Variants in ALAS2 observed in about 807,000 individuals in gnomAD.
ALAS2 encodes 5'-aminolevulinate synthase 2.
ALAS2 carries 3 observed loss-of-function variants against 33.7 expected under a neutral mutation model. The observed-to-expected ratio is 0.09, with a 90% CI of 0.04 to 0.23. ALAS2 has a LOEUF of 0.23. ALAS2 is among the 10% of genes least tolerant of loss of function. The pLI, the probability that ALAS2 is intolerant of heterozygous loss-of-function variation, is 1.00. For synonymous variants in ALAS2, 191 were observed against 177.3 expected (o/e 1.08, Z -0.61); for missense variants, 304 against 475.1 (o/e 0.64, Z 3.35).
chrX:55,015,959 C>CTGTGTGTGTGTGTGTGTGTGTGTGTG (rs56109492), intron 7 of ALAS2, among the ~76,000 whole-genome samples: 1 of 80,163 alleles, frequency 1.2e-5, no homozygotes, highest in Non-Finnish European at 2.4e-5. Context: ...CTCTGTCTCT[C>CTGTGTGTGTGTGTGTGTGTGTGTGTG]TGTGTGTGTG....
rs192382218 is a variant in ALAS2, at chrX:55,030,742, G to A, written c.-16+200C>T. ...AACTAACAAAAGAAAGTAACGAAGGGAAAAAGAGAGAAAAAAGCTGAAAAT... is the reference window on the plus strand; with the variant it reads ...AACTAACAAAAGAAAGTAACGAAGGAAAAAAGAGAGAAAAAAGCTGAAAAT... On this transcript the variant is annotated intron_variant, in intron 1 of 10. Transcript: ENST00000650242. Among the ~76,000 whole-genome samples the A allele has an allele frequency of 9.6e-3, 1,068 of 111,227 alleles. 13 individuals are homozygous for A. The highest frequency in any genetic ancestry group is 0.032 in the African/African-American group (986 of 30,583).
At position 55,014,860 on chromosome X, in the gene ALAS2, C is replaced by T. The variant is rs1163781331; in HGVS notation, c.1324G>A (p.Glu442Lys). Residue 442 changes from glutamate (E) to lysine (K), a missense_variant, in exon 9 of 11, where the codon GAG (glutamate) becomes AAG (lysine). This residue lies in a region of ALAS2 where 95 missense variants were observed against 127.0 expected (regional missense o/e 0.75). Transcript: ENST00000650242. ...LESVRLLKGE[E>K]GQALRRAHQR... The stretch of plus-strand genomic sequence containing the variant: ...TGGGCTCGCCTCAGGGCTTGGCCCT[C>T]CTCTCCCTTGAGCAGCCGCACAGAT... 3 of 1,206,952 alleles carry T rather than the reference C, an allele frequency of 2.5e-6. No homozygotes were observed. Among genetic ancestry groups the T allele is most frequent in the Admixed American group, 2.2e-5 (1 of 45,544 alleles).
intron 7 of ALAS2, 101 bp from the exon 8 acceptor site, chrX:55,015,843 G>T: frequency 1.0e-6 from 1 of 968,371 alleles, no homozygotes; most frequent in Non-Finnish European, 1.5e-6. Context: ...GTTGGAAAAG[G>T]GTGTTGTAGA....
chrX:55,025,367 C>T (rs1290581123), intron 2 of ALAS2, among the ~76,000 whole-genome samples: 1 of 111,504 alleles, frequency 9.0e-6, no homozygotes, highest in Non-Finnish European at 1.9e-5. Context: ...CAGATTCTCG[C>T]TCTGTTGCCC....
chrX:55,028,668 C>T (rs765908327), intron 1 of ALAS2, among the ~76,000 whole-genome samples: 5 of 111,621 alleles, frequency 4.5e-5, no homozygotes, highest in Non-Finnish European at 9.4e-5. Context: ...TCTCATTTCT[C>T]TTGTTCTGTT....
chrX:55,026,010 A>T lies in ALAS2; in HGVS notation c.-10T>A, dbSNP rs1180639700. 8.3e-7 allele frequency: 1 copy of T among 1,208,731 alleles called. No individual in the cohort carries two copies. The highest frequency in any genetic ancestry group is 2.2e-5 in the Admixed American group (1 of 45,922). On this transcript the variant is annotated 5_prime_UTR_variant, in exon 2 of 11. Coordinates refer to ENST00000650242, the MANE Select transcript of ALAS2 (RefSeq NM_000032.5). ...TGGCTGCAGTCACCATCTTGAACCT[A>T]AAGTCCTGCAGAAGACATGGAAGAG...
chrX:55,024,519 C>T (rs994889598), intron 3 of ALAS2, among the ~76,000 whole-genome samples, 199 bp downstream of exon 3: 10 of 111,716 alleles, frequency 9.0e-5, no homozygotes, highest in African/African-American at 3.3e-4. Context: ...TTCAGGAGCC[C>T]GTACATATGT....
In ALAS2 at chrX:55,024,887, G is replaced by A. The variant is rs201506750; in HGVS notation, c.182-47C>T. 1.7e-5 allele frequency: 21 copies of A among 1,200,525 alleles called. No homozygotes were observed. In the African/African-American group the frequency reaches 3.2e-4, roughly 18 times the overall value. ...ATTTGGGGTGCATTTCTAGTCATAA[G>A]TTCAGCTCAACAATAATTGCTGAGA... On this transcript the variant is annotated intron_variant, in intron 2 of 10. Transcript: ENST00000650242.
chrX:55,025,584 G>A (rs1407043152), intron 2 of ALAS2, among the ~76,000 whole-genome samples: 1 of 111,075 alleles, frequency 9.0e-6, no homozygotes, highest in Non-Finnish European at 1.9e-5. Flanking sequence ...CACTCGCCTC[G>A]GCCTCCCAAA....
chrX:55,022,093 T>C (rs763781340), intron 4 of ALAS2, among the ~76,000 whole-genome samples: 1 of 111,734 alleles, frequency 8.9e-6, no homozygotes, highest in East Asian at 2.8e-4. Context: ...CCATTACCAC[T>C]ACAAAATGGG....
chrX:55,018,806 T>TA (rs749419190), intron 6 of ALAS2, among the ~76,000 whole-genome samples: 1 of 110,858 alleles, frequency 9.0e-6, no homozygotes, highest in Non-Finnish European at 1.9e-5. Context: ...AGTTTTGCAT[T>TA]AAAAAAAATT....
intron 9 of ALAS2, among the ~76,000 whole-genome samples, chrX:55,013,865 C>T (rs1277480871): frequency 9.0e-6 from 1 of 110,530 alleles, no homozygotes; most frequent in Non-Finnish European, 1.9e-5. Flanking sequence ...AGAGGTGGTA[C>T]CAGGAGCCCT....
intron 1 of ALAS2, 80 bp from the exon 2 acceptor site, chrX:55,026,095 TC>T: frequency 1.0e-6 from 1 of 975,182 alleles, no homozygotes; most frequent in Non-Finnish European, 1.4e-6. Flanking sequence ...GTCTTCAGCT[TC>T]CCACCCAAAA....
chrX:55,024,714 C>CA lies in ALAS2; in HGVS notation c.304+3dup. 8.3e-7 allele frequency: 1 copy of CA among 1,211,494 alleles called. No homozygotes were observed. The highest frequency in any genetic ancestry group is 3.0e-5 in the East Asian group (1 of 33,822). Reference sequence around the variant, plus strand: ...GGTTGCATAAGGTGGAACTTGACTCCAACCTGTCTTGAAAGCCTTCACATC... The same window carrying CA: ...GGTTGCATAAGGTGGAACTTGACTCCAAACCTGTCTTGAAAGCCTTCACATC... On this transcript the variant is annotated splice_donor_region_variant and intron_variant, in intron 3 of 10. Transcript: ENST00000650242.
chrX:55,013,492 A>C lies in ALAS2; in HGVS notation c.1594T>G (p.Phe532Val). The C allele has an allele frequency of 8.3e-7, 1 of 1,208,611 alleles. No homozygotes were observed. The highest frequency in any genetic ancestry group is 1.1e-6 in the Non-Finnish European group (1 of 893,382). ...ACCCATGTTGAGAACTTACCCACAA[A>C]ATCTTCCATCATCTGAGGGCTGTGG... ...PHHSPQMMED[F>V]VEKLLLAWTA... Residue 532 changes from phenylalanine to valine, a missense_variant, in exon 10 of 11, where the codon TTT becomes GTT. Around this residue, in one of 3 missense-constraint regions of ALAS2, gnomAD observed 95 missense variants for 127.0 expected, o/e 0.75. Transcript: ENST00000650242.
intron 6 of ALAS2, among the ~76,000 whole-genome samples, chrX:55,018,942 G>T (rs1016810536): frequency 9.0e-6 from 1 of 111,256 alleles, no homozygotes; most frequent in African/African-American, 3.3e-5. Context: ...GGAGGGGATG[G>T]ACTAAAAACA....
rs747543670 is a variant in ALAS2, at chrX:55,023,191, GGT to G, written c.415+564_415+565del. The stretch of plus-strand genomic sequence containing the variant: ...CATGGGTGTGGTGAAGAGAGCAGAG[GGT>G]GTGTGTGTGTGTGTGTGTGTGTGTG... On this transcript the variant is annotated intron_variant, in intron 4 of 10. Transcript: ENST00000650242. Among the ~76,000 whole-genome samples, 827 of 97,997 alleles carry G rather than the reference GGT, an allele frequency of 8.4e-3. 8 individuals carry two copies. Among genetic ancestry groups the G allele is most frequent in the African/African-American group, 0.02 (553 of 27,115 alleles). 85.1% of individuals were successfully genotyped at this position (97,997 alleles called of 115,157 possible).
At position 55,020,234 on chromosome X, in the gene ALAS2, T is replaced by A. The variant is rs1351569281; in HGVS notation, c.823+86A>T. On this transcript the variant is annotated intron_variant, in intron 6 of 10. Transcript: ENST00000650242. ...ACAATGGGAGTGAGGGAACTCCAAA[T>A]ACAGGGAAGGAGTGATGGAACCAGT... is the stretch of plus-strand genomic sequence containing the variant. The A allele has an allele frequency of 1.3e-5, 13 of 977,691 alleles. No individual in the cohort carries two copies. In the East Asian group the frequency reaches 3.6e-4, roughly 27 times the overall value. 80.6% of individuals were successfully genotyped at this position (977,691 alleles called of 1,213,427 possible). A position where few individuals can be genotyped will look rare whatever the true frequency, so the allele number is the denominator to read the frequency against.
intron 1 of ALAS2, among the ~76,000 whole-genome samples, chrX:55,029,324 C>A (rs1935949617): frequency 9.0e-6 from 1 of 111,521 alleles, no homozygotes; most frequent in South Asian, 3.8e-4. Flanking sequence ...CCGCCTAGTT[C>A]TGATAGTCAA....
Sources: gnomAD v4.1 joint callset for allele counts (sites outside exome capture counted in the v4.1 genomes callset) on GRCh38, gnomAD v4.1.1 for gene constraint, gnomAD v4.1.1 regional missense constraint, MANE v1.5 for transcripts, NCBI Gene and HGNC (gene_info 2026-07-23, HGNC 2026-07-21) for gene names.